Variants in CIDEA observed in about 807,000 individuals in gnomAD.
The protein encoded by CIDEA is cell death inducing DFFA like effector a.
A neutral mutation model predicts 18.2 loss-of-function variants in CIDEA; 10 were observed. The observed-to-expected ratio is 0.55, with a 90% CI of 0.34 to 0.93. The LOEUF (loss-of-function observed/expected upper bound fraction) is 0.93. Ranked by LOEUF, CIDEA falls within the 40% of genes least tolerant of loss-of-function variation. The pLI is 0.02. For synonymous variants in CIDEA, 128 were observed against 124.8 expected (o/e 1.03, Z -0.17); for missense variants, 309 against 293.1 (o/e 1.05, Z -0.40).
intron 3 of CIDEA, 64 bp from the exon 4 acceptor site, chr18:12,274,029 C>A: frequency 6.4e-7 from 1 of 1,556,318 alleles, no homozygotes; most frequent in South Asian, 1.1e-5. Context: ...GGCATAAGAG[C>A]AGAGTGATGA....
chr18:12,272,172 GTTGTTGTT>G (rs1468472856), intron 3 of CIDEA, among the ~76,000 whole-genome samples: 9 of 7,430 alleles, frequency 1.2e-3, no homozygotes, highest in African/African-American at 4.1e-3. Flanking sequence ...TTGGGGGGGG[GTTGTTGTT>G]GTTGTTGTTG....
intron 3 of CIDEA, among the ~76,000 whole-genome samples, chr18:12,271,050 C>G (rs1016249678): frequency 1.3e-5 from 2 of 151,806 alleles, no homozygotes; most frequent in Non-Finnish European, 2.9e-5. Flanking sequence ...AGGCGCCCAC[C>G]ACCACGCCCG....
chr18:12,259,901 G>C (rs1218468048), intron 1 of CIDEA, among the ~76,000 whole-genome samples: 2 of 152,098 alleles, frequency 1.3e-5, no homozygotes, highest in Non-Finnish European at 2.9e-5. Context: ...ATTAACAAGA[G>C]CTGAAATTGC....
At chr18:12,256,355 G>C (rs1037557257) in intron 1 of CIDEA, among the ~76,000 whole-genome samples, 1 of 152,174 alleles carries the variant, frequency 6.6e-6, no homozygotes, top group Non-Finnish European at 1.5e-5. Context: ...ACCAAGGAAA[G>C]AACCGAATCA....
At chr18:12,256,486 C>T (rs184554041) in intron 1 of CIDEA, among the ~76,000 whole-genome samples, 9 of 152,316 alleles carry the variant, frequency 5.9e-5, no homozygotes, top group African/African-American at 1.9e-4. Context: ...AGCCTGAGGT[C>T]TCACAACAAA....
Position 12,274,282 on chromosome 18 carries a change from A to G in CIDEA, c.512+8A>G, listed in dbSNP as rs144321202. 2.2e-5 allele frequency: 36 copies of G among 1,613,166 alleles called. No individual in the cohort carries two copies. The highest frequency in any genetic ancestry group is 2.9e-5 in the Non-Finnish European group (34 of 1,179,550). On this transcript the variant is annotated splice_region_variant and intron_variant, in intron 4 of 4. Transcript: ENST00000320477. ...ACTCAAGGGCCTGCTGAGGTAACAC[A>G]CTCCAGGGGTCACCTCCGGGGGTCT... is the stretch of plus-strand genomic sequence containing the variant.
chr18:12,254,642 G>A (rs1243785876), intron 1 of CIDEA: 1 of 1,528,742 alleles, frequency 6.5e-7, no homozygotes, highest in Non-Finnish European at 8.8e-7. Context: ...CCCGTCCCGC[G>A]CCTCCTCACC....
intron 4 of CIDEA, among the ~76,000 whole-genome samples, chr18:12,276,692 C>T (rs1385097544): frequency 6.6e-6 from 1 of 152,170 alleles, no homozygotes; most frequent in South Asian, 2.1e-4. Context: ...TGTCCTGCTA[C>T]TACCTTAGGA....
chr18:12,255,738 G>A (rs1912014576), intron 1 of CIDEA, among the ~76,000 whole-genome samples: 1 of 152,222 alleles, frequency 6.6e-6, no homozygotes, highest in African/African-American at 2.4e-5. Flanking sequence ...AATCCTGGTT[G>A]GCCTCTGAGC....
In CIDEA at chr18:12,254,432, C is replaced by G. The variant is rs763912365; in HGVS notation, c.38+11C>G. On this transcript the variant is annotated intron_variant, in intron 1 of 4. Transcript: ENST00000320477. ...AGGAGCCCTCATCAGGCGAGTGCCCCGCGTCCCCCTGATTGCCGTGCGCTT... is the reference window on the plus strand; with the variant it reads ...AGGAGCCCTCATCAGGCGAGTGCCCGGCGTCCCCCTGATTGCCGTGCGCTT... The G allele has an allele frequency of 6.3e-7, 1 of 1,594,018 alleles. No individual in the cohort carries two copies. The highest frequency in any genetic ancestry group is 2.2e-5 in the East Asian group (1 of 44,542).
chr18:12,261,379 A>AACAAACAAAAGTCTGC (rs1912186171), intron 1 of CIDEA, among the ~76,000 whole-genome samples: 1 of 152,102 alleles, frequency 6.6e-6, no homozygotes, highest in Non-Finnish European at 1.5e-5. Flanking sequence ...AAAACAAACA[A>AACAAACAAAAGTCTGC]ACAAACAAAA....
intron 2 of CIDEA, among the ~76,000 whole-genome samples, chr18:12,264,102 G>A (rs924491055): frequency 6.6e-6 from 1 of 152,106 alleles, no homozygotes; most frequent in Admixed American, 6.6e-5. Context: ...AGCATAGTGG[G>A]TCCCCATCTT....
chr18:12,255,043 G>A (rs1044954618), intron 1 of CIDEA: 4 of 852,120 alleles, frequency 4.7e-6, no homozygotes, highest in Admixed American at 3.7e-5. Flanking sequence ...ACAAGGGGCG[G>A]GTGGACCCTG....
At position 12,264,330 on chromosome 18, in the gene CIDEA, T is replaced by C. The variant is rs200388398; in HGVS notation, c.207T>C (p.Ala69=). ...ISKTLDALVI[A]TGLVTLVLEE... is the part of the protein sequence containing the mutation. Reference sequence around the variant, plus strand: ...AGACTCTGGATGCCCTCGTCATCGCTACCGGACTGGTCACTCTGGTGCTGG... The same window carrying C: ...AGACTCTGGATGCCCTCGTCATCGCCACCGGACTGGTCACTCTGGTGCTGG... Residue 69 remains alanine (A), a synonymous_variant, in exon 3 of 5, where the codon GCT becomes GCC. Coordinates refer to ENST00000320477, the MANE Select transcript of CIDEA (RefSeq NM_001279.4). The C allele has an allele frequency of 1.2e-5, 20 of 1,613,520 alleles. No homozygotes were observed. The highest frequency in any genetic ancestry group is 1.7e-5 in the Non-Finnish European group (20 of 1,179,722).
intron 1 of CIDEA, among the ~76,000 whole-genome samples, chr18:12,261,789 C>T (rs181228516): frequency 7.8e-4 from 118 of 151,966 alleles, no homozygotes; most frequent in African/African-American, 2.7e-3. Context: ...CTATGTTGCC[C>T]AGGCTGGTCT....
intron 4 of CIDEA, among the ~76,000 whole-genome samples, chr18:12,275,156 C>G (rs1236295637): frequency 1.3e-5 from 2 of 152,238 alleles, no homozygotes; most frequent in East Asian, 3.8e-4. Context: ...AACTCTGTCT[C>G]TACTAAATAT....
intron 3 of CIDEA, among the ~76,000 whole-genome samples, chr18:12,272,124 T>C (rs181696482): frequency 4.5e-5 from 5 of 111,128 alleles, no homozygotes; most frequent in Non-Finnish European, 8.5e-5. Context: ...GAAAACGGCC[T>C]CAGCCTCAGC....
At chr18:12,263,977 T>C (rs934641611) in intron 2 of CIDEA, 4 of 201,836 alleles carry the variant, frequency 2.0e-5, no homozygotes, top group Non-Finnish European at 3.0e-5. Context: ...TGGCATGTAC[T>C]TGTAGCCCCA....
chr18:12,257,057 C>T (rs780330672), intron 1 of CIDEA, among the ~76,000 whole-genome samples: 1 of 152,158 alleles, frequency 6.6e-6, no homozygotes, highest in Non-Finnish European at 1.5e-5. Context: ...GCCACTGACC[C>T]CACCATCCTC....
Sources: gnomAD v4.1 joint callset for allele counts (sites outside exome capture counted in the v4.1 genomes callset) on GRCh38, gnomAD v4.1.1 for gene constraint, MANE v1.5 for transcripts, NCBI Gene and HGNC (gene_info 2026-07-23, HGNC 2026-07-21) for gene names.